The following MAGI2 variants were observed in gnomAD, a reference collection of about 807,000 sequenced individuals.
MAGI2 encodes membrane associated guanylate kinase, WW and PDZ domain containing 2, also known as membrane-associated guanylate kinase, WW and PDZ domain-containing protein 2.
MAGI2 carries 35 observed loss-of-function variants against 133.3 expected under a neutral mutation model. That is an observed-to-expected ratio of 0.26 (90% CI 0.20 to 0.35). MAGI2 has a LOEUF of 0.35. Among genes scored for constraint, MAGI2 ranks in the 10% least tolerant of loss-of-function variants. MAGI2 has a pLI of 1.00. For missense variants in MAGI2, 1,636 were observed against 1,863.4 expected (o/e 0.88, Z 2.25); for synonymous variants, 729 against 710.6 (o/e 1.03, Z -0.41).
intron 2 of MAGI2, among the ~76,000 whole-genome samples, chr7:78,758,626 A>G (rs1585314378): frequency 6.6e-6 from 1 of 152,132 alleles, no homozygotes; most frequent in East Asian, 1.9e-4. Context: ...ATGACCACAG[A>G]GCTTGCCACA....
intron 7 of MAGI2, among the ~76,000 whole-genome samples, chr7:78,347,597 T>A (rs1411502008): frequency 6.6e-6 from 1 of 151,876 alleles, no homozygotes; most frequent in Admixed American, 6.5e-5. Flanking sequence ...ACTCAATAAT[T>A]AGCAGCAGCT....
chr7:78,711,526 C>T (rs1202191401), intron 2 of MAGI2, among the ~76,000 whole-genome samples: 2 of 151,938 alleles, frequency 1.3e-5, no homozygotes, highest in Non-Finnish European at 2.9e-5. Context: ...GTTCTTTTTT[C>T]CCCTTAGAGC....
In MAGI2 at chr7:78,163,681, C is replaced by T. The variant is rs149054556; in HGVS notation, c.2597-3408G>A. 4.7e-3 allele frequency among the ~76,000 whole-genome samples: 709 copies of T among 151,918 alleles called. 7 individuals are homozygous for T. The highest frequency in any genetic ancestry group is 0.016 in the African/African-American group (650 of 41,460). ...TTGCCCTTTGGGAGGCCGAGGCGGG[C>T]GGATCACGAGGTCAGGAGATAGAGA... On this transcript the variant is annotated intron_variant, in intron 15 of 21. Transcript: ENST00000354212.
At chr7:78,597,995 C>T (rs1035104071) in intron 3 of MAGI2, among the ~76,000 whole-genome samples, 1 of 152,004 alleles carries the variant, frequency 6.6e-6, no homozygotes, top group Non-Finnish European at 1.5e-5. Context: ...AAGGTAAAAA[C>T]AATATATTCT....
intron 2 of MAGI2, among the ~76,000 whole-genome samples, chr7:78,787,993 T>C (rs1289222659): frequency 6.6e-6 from 1 of 152,220 alleles, no homozygotes; most frequent in Admixed American, 6.5e-5. Context: ...CTTCATTCTC[T>C]GCTTCTTAAT....
At chr7:79,365,183 G>A (rs1842620522) in intron 1 of MAGI2, among the ~76,000 whole-genome samples, 1 of 152,126 alleles carries the variant, frequency 6.6e-6, no homozygotes, top group Admixed American at 6.5e-5. Context: ...AATTCACAAT[G>A]AGCTATCACT....
intron 1 of MAGI2, among the ~76,000 whole-genome samples, chr7:79,429,969 T>G (rs1379533306): frequency 1.3e-5 from 2 of 152,058 alleles, no homozygotes; most frequent in African/African-American, 4.8e-5. Context: ...ATGGTGCTAA[T>G]CGATGAAAAA....
At chr7:79,255,508 GTGATGGAA>G (rs1387351255) in intron 1 of MAGI2, among the ~76,000 whole-genome samples, 1 of 152,198 alleles carries the variant, frequency 6.6e-6, no homozygotes, top group African/African-American at 2.4e-5. Flanking sequence ...ATGAAAATAT[GTGATGGAA>G]TCACACAATG....
chr7:78,203,823 A>G lies in MAGI2; in HGVS notation c.2048-2630T>C, dbSNP rs1451068582. Among the ~76,000 whole-genome samples the G allele has an allele frequency of 5.3e-5, 8 of 152,234 alleles. 1 individual carries two copies. The South Asian group carries it at 1.2e-3, about 24-fold the overall frequency. On this transcript the variant is annotated intron_variant, in intron 10 of 21. Transcript: ENST00000354212. ...AAAACATTTATTTTGGATATACTCA[A>G]TTTGGTCCTGATGAAGACAGAAGGT...
At chr7:79,135,447 T>C (rs1379903589) in intron 1 of MAGI2, among the ~76,000 whole-genome samples, 11 of 152,108 alleles carry the variant, frequency 7.2e-5, no homozygotes, top group Admixed American at 6.6e-4. Context: ...ACACAAACTC[T>C]TGTATAACAC....
intron 3 of MAGI2, among the ~76,000 whole-genome samples, chr7:78,610,950 T>A (rs1163310908): frequency 1.3e-5 from 2 of 152,238 alleles, no homozygotes; most frequent in African/African-American, 2.4e-5. Context: ...CAAAGAAGGC[T>A]GGAAGCAATT....
intron 3 of MAGI2, among the ~76,000 whole-genome samples, chr7:78,578,581 C>G (rs1349565229): frequency 6.6e-6 from 1 of 151,890 alleles, no homozygotes; most frequent in Non-Finnish European, 1.5e-5. Flanking sequence ...TTCTCTAAAG[C>G]TAACTAGAAT....
chr7:78,334,561 T>C (rs1373735387), intron 9 of MAGI2, among the ~76,000 whole-genome samples: 1 of 152,120 alleles, frequency 6.6e-6, no homozygotes, highest in South Asian at 2.1e-4. Flanking sequence ...TAAAAGTTAA[T>C]CCCCACTGTT....
intron 1 of MAGI2, among the ~76,000 whole-genome samples, chr7:79,098,725 A>T (rs118072704): frequency 0.023 from 3,488 of 152,332 alleles, 57 homozygotes; most frequent in Middle Eastern, 0.075. Flanking sequence ...AATATATTTG[A>T]CATACACCAT....
intron 2 of MAGI2, among the ~76,000 whole-genome samples, chr7:78,687,706 C>T (rs1230750851): frequency 1.3e-5 from 2 of 151,980 alleles, no homozygotes; most frequent in Admixed American, 6.6e-5. Context: ...CGGTGGCTCA[C>T]GCCTGTAATC....
At chr7:78,747,336 A>G (rs1359743634) in intron 2 of MAGI2, among the ~76,000 whole-genome samples, 2 of 152,182 alleles carry the variant, frequency 1.3e-5, no homozygotes, top group African/African-American at 2.4e-5. Flanking sequence ...TATCTAAACC[A>G]GTGGAAAGAG....
intron 2 of MAGI2, among the ~76,000 whole-genome samples, chr7:78,998,023 C>T (rs1047893596): frequency 1.3e-5 from 2 of 152,078 alleles, no homozygotes; most frequent in African/African-American, 4.8e-5. Context: ...TGTTTATTTT[C>T]CCATCCATTT....
intron 1 of MAGI2, among the ~76,000 whole-genome samples, chr7:79,077,047 T>G (rs1286881224): frequency 6.6e-6 from 1 of 152,230 alleles, no homozygotes; most frequent in African/African-American, 2.4e-5. Flanking sequence ...TACCATTTAT[T>G]TGGGGATTTT....
intron 1 of MAGI2, among the ~76,000 whole-genome samples, chr7:79,356,103 C>T (rs1412028425): frequency 6.6e-6 from 1 of 152,012 alleles, no homozygotes; most frequent in African/African-American, 2.4e-5. Context: ...GTCTACTGTA[C>T]TTTGACAATA....
Sources: gnomAD v4.1 joint callset for allele counts (sites outside exome capture counted in the v4.1 genomes callset) on GRCh38, gnomAD v4.1.1 for gene constraint, MANE v1.5 for transcripts, NCBI Gene and HGNC (gene_info 2026-07-23, HGNC 2026-07-21) for gene names.